The following PHKB variants were observed in gnomAD, a reference collection of about 807,000 sequenced individuals.
PHKB encodes the protein phosphorylase b kinase regulatory subunit beta.
A neutral mutation model predicts 152.1 loss-of-function variants in PHKB; 122 were observed. The observed-to-expected ratio is 0.80, with a 90% confidence interval of 0.69 to 0.93. The LOEUF (loss-of-function observed/expected upper bound fraction) is 0.93, where lower values mean the gene tolerates loss of function less well. Ranked by LOEUF, PHKB falls within the 40% of genes least tolerant of loss-of-function variation. The probability of loss-of-function intolerance (pLI) is 0.00; values close to 1 mark genes in which losing one functional copy is unlikely to be tolerated. For synonymous variants in PHKB, 436 were observed against 464.9 expected, an observed-to-expected ratio of 0.94 and a Z score of 0.80; for missense variants, 1,304 against 1,328.4, an observed-to-expected ratio of 0.98 and a Z score of 0.29.
chr16:47,491,839 G>A lies in PHKB; in HGVS notation c.77-5560G>A, dbSNP rs557808219. Among the ~76,000 whole-genome samples the A allele has an allele frequency of 1.7e-4, 26 of 152,284 alleles. 1 individual carries two copies. The Middle Eastern group carries it at 0.01, about 60-fold the overall frequency. ...AAACAGAGGTTTTTTGCAAAATGGG[G>A]TATCTGGCGCCCCGTGTTTTTCCCA... On this transcript the variant is annotated intron_variant, in intron 1 of 30. Transcript: ENST00000323584.
chr16:47,616,528 T>TAA, intron 14 of PHKB, among the ~76,000 whole-genome samples: 1 of 139,052 alleles, frequency 7.2e-6, no homozygotes, highest in Non-Finnish European at 1.6e-5. Context: ...TATATATTTA[T>TAA]AATATATAAA....
rs1376150226 is a variant in PHKB at position 47,699,672 on chromosome 16, C to G, written c.*306C>G. The G allele has an allele frequency of 1.0e-5, 4 of 391,290 alleles. No homozygotes were observed. The highest frequency in any genetic ancestry group is 1.9e-5 in the Non-Finnish European group (4 of 208,304). The allele number at this position is 391,290 out of a possible 1,614,324, so 24.2% of individuals were successfully genotyped here. A position where few individuals can be genotyped will look rare whatever the true frequency, so the allele number is the denominator to read the frequency against. ...CTGCATGTTGTATGATCAAATAGTT[C>G]ATCAAAATGAATCTTTGCTCTTTGG... On this transcript the variant is annotated 3_prime_UTR_variant, in exon 31 of 31. Coordinates refer to ENST00000323584, the MANE Select transcript of PHKB (RefSeq NM_000293.3).
In PHKB at chr16:47,610,810, C is replaced by G; in HGVS notation, c.1364-16C>G. ...AAATGCATTTTCGATAATGTCATTC[C>G]CCTTCTTTTTTTCAGCTGATGAACT... On this transcript the variant is annotated splice_polypyrimidine_tract_variant and intron_variant, in intron 13 of 30. Coordinates refer to ENST00000323584, the MANE Select transcript of PHKB (RefSeq NM_000293.3). 6.8e-7 allele frequency: 1 copy of G among 1,477,776 alleles called. No individual in the cohort carries two copies. Among genetic ancestry groups the G allele is most frequent in the African/African-American group, 1.4e-5 (1 of 72,366 alleles). The allele number at this position is 1,477,776 out of a possible 1,614,324, so 91.5% of individuals were successfully genotyped here. A position where few individuals can be genotyped will look rare whatever the true frequency, so the allele number is the denominator to read the frequency against.
intron 14 of PHKB, among the ~76,000 whole-genome samples, chr16:47,634,710 G>C (rs1972886536): frequency 6.6e-6 from 1 of 152,182 alleles, no homozygotes; most frequent in Non-Finnish European, 1.5e-5. Context: ...CAGTGCACTT[G>C]ATGGGAATAT....
chr16:47,555,643 G>A (rs1226315289), intron 7 of PHKB, among the ~76,000 whole-genome samples: 1 of 152,174 alleles, frequency 6.6e-6, no homozygotes, highest in Non-Finnish European at 1.5e-5. Context: ...TTTCTTGAGA[G>A]TGTCTTGTAC....
intron 1 of PHKB, chr16:47,464,166 A>G (rs1969626604): frequency 4.8e-6 from 3 of 629,316 alleles, no homozygotes; most frequent in Admixed American, 4.9e-5. Flanking sequence ...AATGTGGCCT[A>G]TTGTGTTCTT....
chr16:47,627,962 T>A (rs1972740999), intron 14 of PHKB, among the ~76,000 whole-genome samples: 1 of 152,152 alleles, frequency 6.6e-6, no homozygotes, highest in East Asian at 1.9e-4. Context: ...CTAATGAGGT[T>A]TTGCTGAAAA....
chr16:47,590,048 C>T (rs1972001539), intron 10 of PHKB, among the ~76,000 whole-genome samples: 1 of 152,114 alleles, frequency 6.6e-6, no homozygotes, highest in African/African-American at 2.4e-5. Flanking sequence ...CCTAGGCCTC[C>T]TAAAGTGCTG....
At chr16:47,511,801 CTTATA>C (rs966504418) in intron 5 of PHKB, 29 bp downstream of exon 5, 1 of 1,334,154 alleles carries the variant, frequency 7.5e-7, no homozygotes, top group African/African-American at 1.4e-5. Flanking sequence ...TTTTATTCTC[CTTATA>C]TTATATAGCA....
At chr16:47,617,509 C>T (rs970638478) in intron 14 of PHKB, among the ~76,000 whole-genome samples, 1 of 152,010 alleles carries the variant, frequency 6.6e-6, no homozygotes. Context: ...TTTGCCTATT[C>T]TAGTTACCTC....
chr16:47,554,152 A>G (rs1257777375), intron 7 of PHKB, among the ~76,000 whole-genome samples: 1 of 152,086 alleles, frequency 6.6e-6, no homozygotes, highest in Non-Finnish European at 1.5e-5. Flanking sequence ...TCCCAGGGAG[A>G]TGGAAGTTTT....
At chr16:47,602,838 A>T (rs1003463196) in intron 13 of PHKB, among the ~76,000 whole-genome samples, 7 of 151,930 alleles carry the variant, frequency 4.6e-5, no homozygotes, top group Non-Finnish European at 8.8e-5. Flanking sequence ...CTACTTGTTG[A>T]TCTCTGCTTC....
At chr16:47,620,974 A>G (rs1597129873) in intron 14 of PHKB, among the ~76,000 whole-genome samples, 1 of 152,312 alleles carries the variant, frequency 6.6e-6, no homozygotes, top group East Asian at 1.9e-4. Flanking sequence ...AAGAATTTTG[A>G]TTTCTTGGTT....
intron 6 of PHKB, among the ~76,000 whole-genome samples, chr16:47,544,176 T>C (rs1360282977): frequency 1.3e-5 from 2 of 152,202 alleles, no homozygotes; most frequent in Non-Finnish European, 2.9e-5. Context: ...TTAATTGTGA[T>C]GTTAGGGTGT....
At chr16:47,666,163 C>T in intron 25 of PHKB, 1 of 727,676 alleles carries the variant, frequency 1.4e-6, no homozygotes, top group Non-Finnish European at 2.5e-6. Flanking sequence ...GGCTCAGGCA[C>T]TTTCTATCAA....
intron 7 of PHKB, chr16:47,565,856 G>A: frequency 7.9e-7 from 1 of 1,263,256 alleles, no homozygotes; most frequent in South Asian, 1.3e-5. Flanking sequence ...TGGACTGGGA[G>A]GTACTAGCAG....
intron 6 of PHKB, among the ~76,000 whole-genome samples, chr16:47,528,571 T>A (rs533372983): frequency 1.3e-5 from 2 of 152,220 alleles, no homozygotes; most frequent in Admixed American, 1.3e-4. Flanking sequence ...TTTCGTGTAT[T>A]CTTTTGGAAA....
intron 20 of PHKB, among the ~76,000 whole-genome samples, chr16:47,653,678 C>G (rs1274871437): frequency 6.6e-6 from 1 of 151,982 alleles, no homozygotes; most frequent in Non-Finnish European, 1.5e-5. Flanking sequence ...TGTACCTAGG[C>G]ATTTTTCTAT....
chr16:47,547,339 T>G, intron 6 of PHKB, 94 bp from the exon 7 acceptor site: 1 of 755,806 alleles, frequency 1.3e-6, no homozygotes, highest in South Asian at 1.4e-5. Flanking sequence ...CCCCTCAGCC[T>G]CCCAAATTGC....
Sources: allele counts gnomAD v4.1 joint callset (sites outside exome capture counted in the v4.1 genomes callset), GRCh38; gene constraint gnomAD v4.1.1; transcripts MANE v1.5; gene names NCBI Gene and HGNC (gene_info 2026-07-23, HGNC 2026-07-21).